PRKCE: variants seen among roughly 807,000 people sequenced by gnomAD.
PRKCE encodes protein kinase C epsilon.
PRKCE carries 16 observed loss-of-function variants against 85.4 expected under a neutral mutation model. That is an observed-to-expected ratio of 0.19 (90% CI 0.13 to 0.28). The LOEUF is 0.28. Among genes scored for constraint, PRKCE ranks in the 10% least tolerant of loss-of-function variants. PRKCE has a pLI of 1.00. For missense variants in PRKCE, 573 were observed against 975.2 expected, an observed-to-expected ratio of 0.59 and a Z score of 5.49; for synonymous variants, 388 against 371.5, an observed-to-expected ratio of 1.04 and a Z score of -0.51.
chr2:46,094,845 A>G (rs2103995175), intron 11 of PRKCE, among the ~76,000 whole-genome samples: 1 of 152,104 alleles, frequency 6.6e-6, no homozygotes, highest in South Asian at 2.1e-4. Context: ...ATTTTAAGGT[A>G]TCATTCCATT....
intron 3 of PRKCE, among the ~76,000 whole-genome samples, chr2:45,977,203 G>T (rs1251112033): frequency 6.6e-6 from 1 of 152,116 alleles, no homozygotes; most frequent in African/African-American, 2.4e-5. Flanking sequence ...AGCTGATTGT[G>T]TGTTTTTAAA....
intron 1 of PRKCE, among the ~76,000 whole-genome samples, chr2:45,666,811 C>A (rs926099664): frequency 6.6e-6 from 1 of 152,104 alleles, no homozygotes; most frequent in African/African-American, 2.4e-5. Flanking sequence ...CATATTGCCC[C>A]ACACATAACA....
At position 45,667,168 on chromosome 2, in the gene PRKCE, G is replaced by A. The variant is rs899180073; in HGVS notation, c.348+14720G>A. 9.2e-5 allele frequency among the ~76,000 whole-genome samples: 14 copies of A among 152,150 alleles called. No individual in the cohort carries two copies. The East Asian group carries it at 1.4e-3, about 15-fold the overall frequency. On this transcript the variant is annotated intron_variant, in intron 1 of 14. Transcript: ENST00000306156. ...TCTACTAAAAATACAAAAAGTAGCC[G>A]GATGTGGTGGCACACACCTGTAATC...
At position 45,652,538 on chromosome 2, in the gene PRKCE, T is replaced by C. The variant is rs965536719; in HGVS notation, c.348+90T>C. ...GGTCTTGATCGTAGGGCTCCGGGAC[T>C]TATTGACGACTGGGGTGTGTGTGCC... On this transcript the variant is annotated intron_variant, in intron 1 of 14. Transcript: ENST00000306156. The surrounding 1 kb of genome is among the most constrained non-coding windows in gnomAD (Gnocchi z 7.7). The C allele has an allele frequency of 7.9e-7, 1 of 1,258,222 alleles. No homozygotes were observed. Among genetic ancestry groups the C allele is most frequent in the Non-Finnish European group, 1.1e-6 (1 of 926,836 alleles). 77.9% of individuals were successfully genotyped at this position (1,258,222 alleles called of 1,614,324 possible).
intron 11 of PRKCE, among the ~76,000 whole-genome samples, chr2:46,108,141 G>A (rs11525713): frequency 1.3e-5 from 2 of 152,044 alleles, no homozygotes; most frequent in Admixed American, 1.3e-4. Flanking sequence ...TTGCCCAGGC[G>A]GGTCTCTAAC....
At chr2:46,132,060 CTT>C (rs1471727577) in intron 11 of PRKCE, among the ~76,000 whole-genome samples, 1 of 152,178 alleles carries the variant, frequency 6.6e-6, no homozygotes, top group Non-Finnish European at 1.5e-5. Flanking sequence ...GGGCACGTGA[CTT>C]TATCTGCCTG....
At chr2:46,042,302 G>C (rs968787546) in intron 10 of PRKCE, among the ~76,000 whole-genome samples, 2 of 152,196 alleles carry the variant, frequency 1.3e-5, no homozygotes, top group African/African-American at 4.8e-5. Context: ...CAGCGTCCTA[G>C]TCTCAGAATG....
chr2:46,020,595 T>C (rs1706566627), intron 10 of PRKCE, among the ~76,000 whole-genome samples: 2 of 152,212 alleles, frequency 1.3e-5, no homozygotes, highest in Non-Finnish European at 2.9e-5. Context: ...TTTCATTGTT[T>C]AGATCACGCA....
At chr2:46,012,136 C>A (rs923788070) in intron 10 of PRKCE, among the ~76,000 whole-genome samples, 4 of 152,120 alleles carry the variant, frequency 2.6e-5, no homozygotes, top group Non-Finnish European at 5.9e-5. Flanking sequence ...TCCACTAGAG[C>A]ATAATTTTAG....
At chr2:45,779,651 C>T (rs1686032299) in intron 1 of PRKCE, among the ~76,000 whole-genome samples, 1 of 151,016 alleles carries the variant, frequency 6.6e-6, no homozygotes, top group African/African-American at 2.4e-5. Context: ...TATTCTCCCC[C>T]AGAAAACATG....
At chr2:45,762,638 C>T (rs140518308) in intron 1 of PRKCE, among the ~76,000 whole-genome samples, 2 of 152,216 alleles carry the variant, frequency 1.3e-5, no homozygotes, top group African/African-American at 4.8e-5. Context: ...AGTGATTCTT[C>T]CCAGACCAGC....
At chr2:45,974,725 C>T (rs1000512243) in intron 2 of PRKCE, among the ~76,000 whole-genome samples, 1 of 152,200 alleles carries the variant, frequency 6.6e-6, no homozygotes, top group Non-Finnish European at 1.5e-5. Flanking sequence ...ACCTTACATT[C>T]AGAGAGGTCC....
At chr2:45,944,601 G>A (rs570120037) in intron 2 of PRKCE, among the ~76,000 whole-genome samples, 4 of 148,094 alleles carry the variant, frequency 2.7e-5, no homozygotes, top group Admixed American at 6.7e-5. Flanking sequence ...TGATACTCCC[G>A]CCTCAGTCTC....
At chr2:45,858,619 G>T (rs72801057) in intron 2 of PRKCE, among the ~76,000 whole-genome samples, 1 of 152,058 alleles carries the variant, frequency 6.6e-6, no homozygotes, top group Non-Finnish European at 1.5e-5. Context: ...TTCCCCCAAT[G>T]GGGGAAAGAT....
chr2:45,991,807 C>A (rs1043835579), intron 6 of PRKCE, among the ~76,000 whole-genome samples: 2 of 152,174 alleles, frequency 1.3e-5, no homozygotes, highest in African/African-American at 4.8e-5. Flanking sequence ...TAAAGTCAAG[C>A]CATGTTAATG....
At chr2:46,154,602 C>T (rs967437413) in intron 13 of PRKCE, among the ~76,000 whole-genome samples, 2 of 151,946 alleles carry the variant, frequency 1.3e-5, no homozygotes, top group Non-Finnish European at 1.5e-5. Context: ...TCCTTGTCCT[C>T]GCCCTCTGGG....
chr2:45,761,868 G>T (rs1684534199), intron 1 of PRKCE, among the ~76,000 whole-genome samples: 1 of 152,038 alleles, frequency 6.6e-6, no homozygotes, highest in African/African-American at 2.4e-5. Context: ...CATCCCATCG[G>T]TCCCTTCCAA....
At chr2:45,983,645 C>A (rs561956762) in intron 5 of PRKCE, among the ~76,000 whole-genome samples, 1 of 152,278 alleles carries the variant, frequency 6.6e-6, no homozygotes, top group East Asian at 1.9e-4. Context: ...TTCATTTCCT[C>A]ATCTGTGAAG....
intron 1 of PRKCE, among the ~76,000 whole-genome samples, chr2:45,805,915 T>C (rs905848771): frequency 6.6e-6 from 1 of 152,166 alleles, no homozygotes; most frequent in African/African-American, 2.4e-5. Context: ...ACCTTCTTTA[T>C]CCTATCACAA....
Sources: allele counts gnomAD v4.1 joint callset (sites outside exome capture counted in the v4.1 genomes callset), GRCh38; gene constraint gnomAD v4.1.1; non-coding constraint Gnocchi (gnomAD v3.1); transcripts MANE v1.5; gene names NCBI Gene and HGNC (gene_info 2026-07-23, HGNC 2026-07-21).